The following GALNT16 variants were observed in gnomAD, a reference collection of about 807,000 sequenced individuals.
GALNT16 encodes polypeptide N-acetylgalactosaminyltransferase 16.
Under a neutral mutation model 76.1 loss-of-function variants are expected in GALNT16, and 40 were observed. The observed-to-expected ratio is 0.53, with a 90% CI of 0.41 to 0.68. The LOEUF (loss-of-function observed/expected upper bound fraction) is 0.68, where lower values mean the gene tolerates loss of function less well. Among genes scored for constraint, GALNT16 ranks in the 30% least tolerant of loss-of-function variants. The pLI, the probability that GALNT16 is intolerant of heterozygous loss-of-function variation, is 0.00. For synonymous variants in GALNT16, 276 were observed against 285.2 expected (o/e 0.97, Z 0.32); for missense variants, 621 against 731.9 (o/e 0.85, Z 1.75).
chr14:69,345,089 T>A (rs1476065892), intron 12 of GALNT16, among the ~76,000 whole-genome samples: 1 of 152,310 alleles, frequency 6.6e-6, no homozygotes, highest in Non-Finnish European at 1.5e-5. Flanking sequence ...ATTAGTACCA[T>A]TCTGGAATGC....
At chr14:69,376,121 C>G in the GALNT16 span, among the ~76,000 whole-genome samples, 1 of 145,710 alleles carries the variant, frequency 6.9e-6, no homozygotes, top group Non-Finnish European at 1.5e-5. Context: ...ACTGCAGCCT[C>G]CAACTCTTGG....
At chr14:69,309,972 CTT>C (rs1297597269) in intron 1 of GALNT16, among the ~76,000 whole-genome samples, 1 of 152,112 alleles carries the variant, frequency 6.6e-6, no homozygotes, top group African/African-American at 2.4e-5. Context: ...ATTAGTCCAG[CTT>C]TATTGATTTC....
chr14:69,271,505 A>G (rs1265640486), intron 1 of GALNT16, among the ~76,000 whole-genome samples: 3 of 152,214 alleles, frequency 2.0e-5, no homozygotes, highest in Non-Finnish European at 2.9e-5. Flanking sequence ...CTCTGATGGG[A>G]GGCTGGCATC....
the GALNT16 span, among the ~76,000 whole-genome samples, chr14:69,374,975 C>A: frequency 6.6e-6 from 1 of 152,200 alleles, no homozygotes; most frequent in South Asian, 2.1e-4. Flanking sequence ...AAGGCTCATA[C>A]CCTCATGACC....
chr14:69,312,267 T>A (rs1055063767), intron 1 of GALNT16, among the ~76,000 whole-genome samples: 18 of 152,054 alleles, frequency 1.2e-4, no homozygotes, highest in Admixed American at 7.9e-4. Context: ...AAATTTTTTT[T>A]AAATTAACTG....
At chr14:69,343,712 G>A (rs548940792) in intron 12 of GALNT16, among the ~76,000 whole-genome samples, 34 of 152,348 alleles carry the variant, frequency 2.2e-4, no homozygotes, top group Non-Finnish European at 4.0e-4. Context: ...CCTAGGGCAG[G>A]AGCTGGGCAG....
At chr14:69,293,972 C>T in intron 1 of GALNT16, among the ~76,000 whole-genome samples, 1 of 152,066 alleles carries the variant, frequency 6.6e-6, no homozygotes. Context: ...CTCACTGCAA[C>T]CTCTGCCTCC....
intron 1 of GALNT16, among the ~76,000 whole-genome samples, chr14:69,283,263 G>T (rs2044568213): frequency 6.6e-6 from 1 of 152,220 alleles, no homozygotes; most frequent in Non-Finnish European, 1.5e-5. Context: ...AGTCACTTGG[G>T]TTCCTTGAGC....
At chr14:69,300,628 G>A (rs2044838586) in intron 1 of GALNT16, among the ~76,000 whole-genome samples, 1 of 152,176 alleles carries the variant, frequency 6.6e-6, no homozygotes, top group Admixed American at 6.5e-5. Flanking sequence ...CCTCTGGAGA[G>A]CTACTGCCAA....
chr14:69,298,950 AG>A (rs1331662586), intron 1 of GALNT16, among the ~76,000 whole-genome samples: 1 of 152,256 alleles, frequency 6.6e-6, no homozygotes, highest in African/African-American at 2.4e-5. Context: ...CCCAAGGCCG[AG>A]GCCTTGCACT....
intron 1 of GALNT16, among the ~76,000 whole-genome samples, chr14:69,274,769 G>A (rs1010374007): frequency 6.6e-6 from 1 of 152,178 alleles, no homozygotes; most frequent in African/African-American, 2.4e-5. Context: ...ACTGGAGGAC[G>A]GCAGGGATAG....
chr14:69,271,059 G>T (rs1210045274), intron 1 of GALNT16, among the ~76,000 whole-genome samples: 1 of 152,168 alleles, frequency 6.6e-6, no homozygotes, highest in Non-Finnish European at 1.5e-5. Context: ...GGCTACCCAC[G>T]GTGATGTGTG....
At chr14:69,362,176 G>A in the GALNT16 span, among the ~76,000 whole-genome samples, 1 of 152,250 alleles carries the variant, frequency 6.6e-6, no homozygotes, top group African/African-American at 2.4e-5. Context: ...CCCTGACTGA[G>A]CTGGCCTGAG....
chr14:69,264,815 C>CTTTTTTTT (rs1436985515), intron 1 of GALNT16, among the ~76,000 whole-genome samples: 3 of 44,960 alleles, frequency 6.7e-5, no homozygotes, highest in African/African-American at 2.2e-4. Flanking sequence ...TTTTCTTTTT[C>CTTTTTTTT]TTTCTTTTTT....
intron 1 of GALNT16, among the ~76,000 whole-genome samples, chr14:69,268,492 G>A (rs927499949): frequency 1.3e-5 from 2 of 152,160 alleles, no homozygotes; most frequent in Non-Finnish European, 2.9e-5. Context: ...AGGAAGGGCC[G>A]TGTGAGGTAG....
At chr14:69,328,428 G>A (rs1455131004) in intron 5 of GALNT16, 22 bp from the exon 6 acceptor site, 1 of 1,611,744 alleles carries the variant, frequency 6.2e-7, no homozygotes. Context: ...CCAGCGCCAA[G>A]CCCTATCTAC....
chr14:69,368,446 T>C, the GALNT16 span, among the ~76,000 whole-genome samples: 1 of 152,248 alleles, frequency 6.6e-6, no homozygotes, highest in Non-Finnish European at 1.5e-5. Flanking sequence ...CTCACTTCCA[T>C]GGGCTGTCTC....
chr14:69,352,086 A>G lies in GALNT16; in HGVS notation c.1595A>G (p.Glu532Gly). 2 of 1,614,070 alleles carry G rather than the reference A, an allele frequency of 1.2e-6. No individual in the cohort carries two copies. Among genetic ancestry groups the G allele is most frequent in the Non-Finnish European group, 1.7e-6 (2 of 1,179,924 alleles). ...CATTCAGTCAGTGGCCTCTGCCTGG[A>G]GACAAAGCCTGCCCAGCTGGTGACC... ...IQHSVSGLCL[E>G]TKPAQLVTSK... is the part of the protein sequence containing the mutation. Residue 532 changes from glutamate (E) to glycine (G), a missense_variant, in exon 15 of 15, where the codon GAG (glutamate) becomes GGG (glycine). Transcript: ENST00000448469.
chr14:69,373,716 C>CT, the GALNT16 span, among the ~76,000 whole-genome samples: 1 of 151,840 alleles, frequency 6.6e-6, no homozygotes, highest in Admixed American at 6.6e-5. Context: ...TTTTTCTTTT[C>CT]TTTTTTCTTT....
Sources: allele counts gnomAD v4.1 joint callset (sites outside exome capture counted in the v4.1 genomes callset), GRCh38; gene constraint gnomAD v4.1.1; transcripts MANE v1.5; gene names NCBI Gene and HGNC (gene_info 2026-07-23, HGNC 2026-07-21).